DLC1: variants seen among roughly 807,000 people sequenced by gnomAD.
DLC1 encodes DLC1 Rho GTPase activating protein, also known as rho GTPase-activating protein 7.
DLC1 carries 54 observed loss-of-function variants against 140.3 expected under a neutral mutation model. That is an observed-to-expected ratio of 0.38 (90% CI 0.31 to 0.48). DLC1 has a LOEUF of 0.48. DLC1 is among the 20% of genes least tolerant of loss of function. DLC1 has a pLI of 0.96. For missense variants in DLC1, 2,536 were observed against 1,907.0 expected, an observed-to-expected ratio of 1.33 and a Z score of -6.14; for synonymous variants, 986 against 728.1, an observed-to-expected ratio of 1.35 and a Z score of -5.70.
At chr8:13,231,491 G>A (rs1489438192) in intron 5 of DLC1, among the ~76,000 whole-genome samples, 1 of 152,192 alleles carries the variant, frequency 6.6e-6, no homozygotes, top group Non-Finnish European at 1.5e-5. Context: ...ATTCGAATCA[G>A]TTATTACTTC....
At chr8:13,451,208 CTATT>C (rs1390649283) in intron 2 of DLC1, among the ~76,000 whole-genome samples, 6 of 151,846 alleles carry the variant, frequency 4.0e-5, no homozygotes, top group Non-Finnish European at 8.8e-5. Flanking sequence ...CATTTATTGA[CTATT>C]TAAAAAATTT....
At chr8:13,573,455 T>G (rs1804735014) in intron 1 of DLC1, among the ~76,000 whole-genome samples, 1 of 152,308 alleles carries the variant, frequency 6.6e-6, no homozygotes, top group Non-Finnish European at 1.5e-5. Flanking sequence ...TTTCTATCTT[T>G]GCATAATTGC....
intron 7 of DLC1, among the ~76,000 whole-genome samples, chr8:13,109,720 C>T (rs1485134556): frequency 6.6e-6 from 1 of 151,860 alleles, no homozygotes; most frequent in Non-Finnish European, 1.5e-5. Context: ...CCAGTCTCTA[C>T]TGAAAATACA....
In DLC1 at chr8:13,102,799, A is replaced by C; in HGVS notation, c.1557T>G (p.His519Gln). Residue 519 changes from histidine (H) to glutamine (Q), a missense_variant, in exon 8 of 18, where the codon CAT (histidine) becomes CAG (glutamine). His to Gln is a conservative substitution (Grantham distance 24). Coordinates refer to ENST00000276297, the MANE Select transcript of DLC1 (RefSeq NM_182643.3). ...CAATTTGTATACTCACTCGTTTCCG[A>C]TGAGGACTAATTTCTAGCTTCATCA... ...CAVMKLEISPHRKRSDDSDED... is the reference protein window; with the variant it reads ...CAVMKLEISPQRKRSDDSDED... 1 of 1,613,912 alleles carries C rather than the reference A, an allele frequency of 6.2e-7. No homozygotes were observed. The highest frequency in any genetic ancestry group is 8.5e-7 in the Non-Finnish European group (1 of 1,179,938).
intron 5 of DLC1, among the ~76,000 whole-genome samples, chr8:13,257,602 A>G (rs1009744244): frequency 1.3e-5 from 2 of 152,180 alleles, no homozygotes; most frequent in Non-Finnish European, 2.9e-5. Flanking sequence ...CTCGACTAAT[A>G]AAATGTTTGC....
At chr8:13,469,471 T>G (rs1800107394) in intron 2 of DLC1, among the ~76,000 whole-genome samples, 1 of 152,146 alleles carries the variant, frequency 6.6e-6, no homozygotes, top group African/African-American at 2.4e-5. Context: ...GGCTTCAGTT[T>G]TTTCATCAAT....
chr8:13,219,384 A>AC (rs1828427624), intron 5 of DLC1, among the ~76,000 whole-genome samples: 4 of 45,332 alleles, frequency 8.8e-5, no homozygotes, highest in East Asian at 5.3e-3. Flanking sequence ...ATATAATTAT[A>AC]TTTCATATAA....
chr8:13,262,683 C>T (rs1586028869), intron 5 of DLC1, among the ~76,000 whole-genome samples: 1 of 152,194 alleles, frequency 6.6e-6, no homozygotes, highest in Non-Finnish European at 1.5e-5. Flanking sequence ...GCCTCGGCCT[C>T]CCAAGGTGCT....
chr8:13,499,531 T>C lies in DLC1; in HGVS notation c.541A>G (p.Arg181Gly). Residue 181 changes from arginine (R) to glycine (G), a missense_variant, in exon 2 of 18, where the codon AGA becomes GGA. Arg to Gly is a moderately radical substitution (Grantham distance 125, BLOSUM62 -2). Coordinates refer to ENST00000276297, the MANE Select transcript of DLC1 (RefSeq NM_182643.3). The stretch of plus-strand genomic sequence containing the variant: ...TTACTTATAGAGTCAGTAACTTTTC[T>C]CTCCCCACTTTCTTTTACCAGTGCT... The part of the protein sequence containing the change: ...ELALVKESGE[R>G]KVTDSISKSL... 1 of 1,614,188 alleles carries C rather than the reference T, an allele frequency of 6.2e-7. No homozygotes were observed. Among genetic ancestry groups the C allele is most frequent in the Non-Finnish European group, 8.5e-7 (1 of 1,180,022 alleles).
At chr8:13,426,684 T>G (rs1838596898) in intron 2 of DLC1, among the ~76,000 whole-genome samples, 2 of 152,174 alleles carry the variant, frequency 1.3e-5, no homozygotes, top group Non-Finnish European at 2.9e-5. Context: ...TAGAAATCAG[T>G]CCTTCTTCCT....
chr8:13,132,348 G>C (rs1822176276), intron 5 of DLC1, among the ~76,000 whole-genome samples: 1 of 151,718 alleles, frequency 6.6e-6, no homozygotes, highest in Non-Finnish European at 1.5e-5. Context: ...CCAGGTCTGA[G>C]TTAATTCCCA....
chr8:13,211,122 A>G (rs1478842527), intron 5 of DLC1, among the ~76,000 whole-genome samples: 2 of 152,174 alleles, frequency 1.3e-5, no homozygotes, highest in Admixed American at 6.5e-5. Flanking sequence ...GACATGCCCA[A>G]CAGTGCCACG....
chr8:13,105,024 TC>T (rs1819442212), intron 7 of DLC1, among the ~76,000 whole-genome samples: 1 of 152,242 alleles, frequency 6.6e-6, no homozygotes. Context: ...GTTCCATTAA[TC>T]AAACCTGTAA....
intron 4 of DLC1, 33 bp downstream of exon 4, chr8:13,393,520 C>T (rs770381073): frequency 5.6e-6 from 9 of 1,599,546 alleles, no homozygotes; most frequent in Admixed American, 3.4e-5. Context: ...AACATTTACA[C>T]GTAGAGACTC....
At chr8:13,319,328 A>G (rs116330345) in intron 4 of DLC1, among the ~76,000 whole-genome samples, 137 of 152,286 alleles carry the variant, frequency 9.0e-4, no homozygotes, top group African/African-American at 3.2e-3. Context: ...CTGGCAAAGA[A>G]CGCTTGCAAA....
intron 5 of DLC1, among the ~76,000 whole-genome samples, chr8:13,188,710 A>T (rs1264766372): frequency 5.2e-4 from 76 of 145,184 alleles, no homozygotes; most frequent in African/African-American, 1.8e-3. Flanking sequence ...GTTTCAGTTC[A>T]AACAATTCTC....
chr8:13,205,668 G>A lies in DLC1; in HGVS notation c.1349-90011C>T, dbSNP rs543590129. Reference sequence around the variant, plus strand: ...TTTTAAGAAAGCTTGACAAATTTATGTTGGGCTGCATTCAAAGCTGTCTTG... The same window carrying A: ...TTTTAAGAAAGCTTGACAAATTTATATTGGGCTGCATTCAAAGCTGTCTTG... On this transcript the variant is annotated intron_variant, in intron 5 of 17. Transcript: ENST00000276297. Among the ~76,000 whole-genome samples the A allele has an allele frequency of 3.9e-5, 6 of 152,288 alleles. No individual in the cohort carries two copies. The South Asian group carries it at 1.2e-3, about 32-fold the overall frequency.
chr8:13,369,378 A>T (rs1230615005), intron 4 of DLC1, among the ~76,000 whole-genome samples: 2 of 148,220 alleles, frequency 1.3e-5, no homozygotes, highest in African/African-American at 4.9e-5. Flanking sequence ...AAAAAAGATT[A>T]CAAATGTTCT....
chr8:13,389,288 C>T (rs917606385), intron 4 of DLC1, among the ~76,000 whole-genome samples: 3 of 152,022 alleles, frequency 2.0e-5, no homozygotes, highest in South Asian at 2.1e-4. Flanking sequence ...TAAAACCTTT[C>T]GTGAAACAAT....
Sources: gnomAD v4.1 joint callset for allele counts (sites outside exome capture counted in the v4.1 genomes callset) on GRCh38, gnomAD v4.1.1 for gene constraint, MANE v1.5 for transcripts, NCBI Gene and HGNC (gene_info 2026-07-23, HGNC 2026-07-21) for gene names.